OSBPL8: variants seen among roughly 807,000 people sequenced by gnomAD.
OSBPL8 encodes oxysterol-binding protein-related protein 8.
A neutral mutation model predicts 125.5 loss-of-function variants in OSBPL8; 59 were observed. That is an observed-to-expected ratio of 0.47 (90% CI 0.38 to 0.58). The LOEUF (loss-of-function observed/expected upper bound fraction) is 0.58, where lower values mean the gene tolerates loss of function less well. Among genes scored for constraint, OSBPL8 ranks in the 20% least tolerant of loss-of-function variants. The pLI is 0.00. For missense variants in OSBPL8, 758 were observed against 1,047.8 expected (o/e 0.72, Z 3.82); for synonymous variants, 330 against 338.9 (o/e 0.97, Z 0.29).
chr12:76,449,597 T>A (rs1321091860), intron 4 of OSBPL8, among the ~76,000 whole-genome samples: 1 of 152,196 alleles, frequency 6.6e-6, no homozygotes, highest in African/African-American at 2.4e-5. Context: ...CAGTTTCACT[T>A]ACAGATGTCC....
intron 4 of OSBPL8, among the ~76,000 whole-genome samples, chr12:76,437,749 C>G (rs1565896793): frequency 1.3e-5 from 2 of 152,116 alleles, no homozygotes; most frequent in South Asian, 2.1e-4. Context: ...GAAGTGATGT[C>G]ACACTGGAAA....
chr12:76,371,444 T>C lies in OSBPL8; in HGVS notation c.2054+4A>G. The C allele has an allele frequency of 6.2e-7, 1 of 1,603,520 alleles. No individual in the cohort carries two copies. The highest frequency in any genetic ancestry group is 1.1e-5 in the South Asian group (1 of 89,062). Reference sequence around the variant, plus strand: ...TGAAGTTAGCTGTAAAACAGTATACTTACTTCTCTGATTCAAAATCTCCCT... The same window carrying C: ...TGAAGTTAGCTGTAAAACAGTATACCTACTTCTCTGATTCAAAATCTCCCT... On this transcript the variant is annotated splice_donor_region_variant and intron_variant, in intron 19 of 23. Transcript: ENST00000261183.
intron 1 of OSBPL8, among the ~76,000 whole-genome samples, chr12:76,551,770 G>C (rs1950944588): frequency 6.6e-6 from 1 of 152,130 alleles, no homozygotes; most frequent in Non-Finnish European, 1.5e-5. Flanking sequence ...CTCAGCTCCT[G>C]CTGGTACGGA....
chr12:76,376,695 T>G (rs1038363120), intron 16 of OSBPL8, among the ~76,000 whole-genome samples: 6 of 152,140 alleles, frequency 3.9e-5, no homozygotes, highest in Admixed American at 6.6e-5. Context: ...AGAACTATAC[T>G]TGAAGCTCTA....
At chr12:76,379,561 G>A (rs1952958879) in intron 15 of OSBPL8, among the ~76,000 whole-genome samples, 1 of 152,142 alleles carries the variant, frequency 6.6e-6, no homozygotes, top group African/African-American at 2.4e-5. Context: ...GACACCAATG[G>A]TGCATTTTAA....
At chr12:76,524,175 C>G (rs982008790) in intron 1 of OSBPL8, among the ~76,000 whole-genome samples, 1 of 151,946 alleles carries the variant, frequency 6.6e-6, no homozygotes. Flanking sequence ...AAAATTGGAG[C>G]TAAATAAGAT....
chr12:76,529,527 A>AG (rs1950274868), intron 1 of OSBPL8, among the ~76,000 whole-genome samples: 3 of 137,624 alleles, frequency 2.2e-5, no homozygotes, highest in African/African-American at 5.7e-5. Flanking sequence ...ACTACCAAAC[A>AG]GAAAAAAAAA....
chr12:76,425,198 A>G (rs972921438), intron 4 of OSBPL8, among the ~76,000 whole-genome samples: 2 of 152,198 alleles, frequency 1.3e-5, no homozygotes, highest in African/African-American at 2.4e-5. Context: ...TACATATTAG[A>G]GTAAAATAAA....
At chr12:76,477,364 G>A (rs1263782254) in intron 2 of OSBPL8, among the ~76,000 whole-genome samples, 3 of 152,010 alleles carry the variant, frequency 2.0e-5, no homozygotes, top group Non-Finnish European at 2.9e-5. Context: ...GCAAAAATAA[G>A]TTATGCTGAC....
At chr12:76,475,667 T>C (rs1876714261) in intron 2 of OSBPL8, among the ~76,000 whole-genome samples, 2 of 152,102 alleles carry the variant, frequency 1.3e-5, no homozygotes, top group African/African-American at 4.8e-5. Flanking sequence ...GAATTACTAG[T>C]GAGGTAACAA....
intron 4 of OSBPL8, among the ~76,000 whole-genome samples, chr12:76,422,062 G>C (rs751815373): frequency 2.1e-4 from 32 of 152,006 alleles, no homozygotes; most frequent in Admixed American, 3.9e-4. Flanking sequence ...AGATAATAAA[G>C]TGGTAAGATT....
At chr12:76,552,739 G>A (rs1950981320) in intron 1 of OSBPL8, among the ~76,000 whole-genome samples, 1 of 152,112 alleles carries the variant, frequency 6.6e-6, no homozygotes, top group Non-Finnish European at 1.5e-5. Context: ...CCCCAAGTCA[G>A]CATAGGGCCA....
intron 2 of OSBPL8, among the ~76,000 whole-genome samples, chr12:76,483,566 TA>T (rs577446618): frequency 2.4e-5 from 3 of 122,474 alleles, no homozygotes; most frequent in South Asian, 2.8e-4. Context: ...TCTGTCTCAA[TA>T]AAAAAAAATT....
intron 4 of OSBPL8, among the ~76,000 whole-genome samples, chr12:76,427,722 A>G (rs1870313550): frequency 6.6e-6 from 1 of 152,058 alleles, no homozygotes; most frequent in African/African-American, 2.4e-5. Context: ...CTAAGGACAA[A>G]AGAGCATCAA....
chr12:76,365,952 G>A (rs917580259), intron 21 of OSBPL8, among the ~76,000 whole-genome samples: 1 of 152,148 alleles, frequency 6.6e-6, no homozygotes, highest in Non-Finnish European at 1.5e-5. Flanking sequence ...TGGTCATGGT[G>A]TATAATCTTT....
intron 1 of OSBPL8, among the ~76,000 whole-genome samples, chr12:76,522,519 C>T (rs879540715): frequency 3.9e-5 from 6 of 152,064 alleles, no homozygotes; most frequent in Non-Finnish European, 7.4e-5. Context: ...GGGATGAGTT[C>T]TCAAGGGAAT....
chr12:76,427,913 G>T (rs190709311), intron 4 of OSBPL8, among the ~76,000 whole-genome samples: 1 of 152,038 alleles, frequency 6.6e-6, no homozygotes, highest in Admixed American at 6.6e-5. Context: ...AAATTAAATA[G>T]GTCAGGATAG....
At chr12:76,370,681 A>C (rs1952587590) in intron 19 of OSBPL8, among the ~76,000 whole-genome samples, 1 of 152,208 alleles carries the variant, frequency 6.6e-6, no homozygotes, top group Non-Finnish European at 1.5e-5. Flanking sequence ...GCTGAGACAG[A>C]ATTTTTAGAA....
intron 10 of OSBPL8, among the ~76,000 whole-genome samples, chr12:76,391,060 T>A (rs746952514): frequency 1.3e-5 from 2 of 152,068 alleles, no homozygotes; most frequent in Non-Finnish European, 2.9e-5. Flanking sequence ...AAAATGCAGG[T>A]CCAGATAATC....
Sources: allele counts gnomAD v4.1 joint callset (sites outside exome capture counted in the v4.1 genomes callset), GRCh38; gene constraint gnomAD v4.1.1; transcripts MANE v1.5; gene names NCBI Gene and HGNC (gene_info 2026-07-23, HGNC 2026-07-21).